EML6: variants seen among roughly 807,000 people sequenced by gnomAD.
EML6 encodes the protein EMAP like 6.
EML6 carries 154 observed loss-of-function variants against 240.1 expected under a neutral mutation model. The observed-to-expected ratio is 0.64, with a 90% CI of 0.56 to 0.73. The LOEUF is 0.73. Among genes scored for constraint, EML6 ranks in the 30% least tolerant of loss-of-function variants. EML6 has a pLI of 0.00. For synonymous variants in EML6, 1,148 were observed against 899.0 expected (o/e 1.28, Z -4.95); for missense variants, 2,964 against 2,474.6 (o/e 1.20, Z -4.20).
intron 2 of EML6, among the ~76,000 whole-genome samples, chr2:54,802,657 C>CTACTACTACTACTAG (rs1434725107): frequency 3.4e-4 from 51 of 148,762 alleles, no homozygotes; most frequent in African/African-American, 1.3e-3. Flanking sequence ...ACTACTACTA[C>CTACTACTACTACTAG]TACTACTACT....
chr2:54,810,798 C>A (rs373251142), intron 2 of EML6, among the ~76,000 whole-genome samples: 2 of 152,074 alleles, frequency 1.3e-5, no homozygotes, highest in Non-Finnish European at 2.9e-5. Flanking sequence ...CCTGCCCTCA[C>A]GGAGCATACA....
rs115428406 is a variant in EML6, at chr2:54,862,534, G to A, written c.1826-1249G>A. 4.4e-3 allele frequency among the ~76,000 whole-genome samples: 673 copies of A among 151,862 alleles called. 2 individuals carry two copies. Among genetic ancestry groups the A allele is most frequent in the Non-Finnish European group, 7.5e-3 (507 of 67,952 alleles). On this transcript the variant is annotated intron_variant, in intron 12 of 41. Transcript: ENST00000356458. ...GAGTAAAGATAGCTTAGAGACTTAG[G>A]GTGGTCCAACAACTTACGTGTTACC... is the stretch of plus-strand genomic sequence containing the variant.
chr2:54,956,872 T>G (rs1676258278), intron 32 of EML6, among the ~76,000 whole-genome samples: 1 of 152,110 alleles, frequency 6.6e-6, no homozygotes, highest in Non-Finnish European at 1.5e-5. Flanking sequence ...AAAACAAAAA[T>G]TTAAAACTCG....
At chr2:54,800,885 A>G (rs1253926647) in intron 2 of EML6, among the ~76,000 whole-genome samples, 1 of 152,128 alleles carries the variant, frequency 6.6e-6, no homozygotes, top group East Asian at 1.9e-4. Context: ...TTGATCTAAC[A>G]TGTGACGTCT....
intron 11 of EML6, among the ~76,000 whole-genome samples, chr2:54,857,096 G>T (rs1279129823): frequency 6.6e-6 from 1 of 152,154 alleles, no homozygotes; most frequent in East Asian, 1.9e-4. Flanking sequence ...TACAGAGCTG[G>T]GAAAATGAGA....
At chr2:54,904,392 C>T (rs1573111560) in intron 24 of EML6, among the ~76,000 whole-genome samples, 1 of 152,084 alleles carries the variant, frequency 6.6e-6, no homozygotes, top group African/African-American at 2.4e-5. Context: ...CCTTCAGAGA[C>T]GTTGTAGTCC....
At chr2:54,860,086 T>C (rs972912084) in intron 12 of EML6, among the ~76,000 whole-genome samples, 8 of 152,106 alleles carry the variant, frequency 5.3e-5, no homozygotes, top group Non-Finnish European at 1.2e-4. Flanking sequence ...AACATCCACA[T>C]TGGGTAGGTA....
At chr2:54,939,892 C>T (rs1675341108) in intron 28 of EML6, among the ~76,000 whole-genome samples, 2 of 152,202 alleles carry the variant, frequency 1.3e-5, no homozygotes, top group Non-Finnish European at 2.9e-5. Flanking sequence ...CTTAACTCTC[C>T]AGCCATCTCA....
chr2:54,771,389 A>G (rs1217192025), intron 2 of EML6, among the ~76,000 whole-genome samples: 1 of 152,248 alleles, frequency 6.6e-6, no homozygotes, highest in Non-Finnish European at 1.5e-5. Flanking sequence ...CGGATACATT[A>G]TCATAGGTAT....
chr2:54,744,710 G>C (rs563134272), intron 2 of EML6, among the ~76,000 whole-genome samples: 1 of 151,970 alleles, frequency 6.6e-6, no homozygotes, highest in Non-Finnish European at 1.5e-5. Context: ...GAGGGACCGA[G>C]GAGGAGGATT....
At chr2:54,851,318 C>T (rs542356587) in intron 10 of EML6, among the ~76,000 whole-genome samples, 4 of 152,210 alleles carry the variant, frequency 2.6e-5, no homozygotes, top group South Asian at 2.1e-4. Flanking sequence ...GAGGCTAAGG[C>T]GGCAGAATTG....
intron 2 of EML6, among the ~76,000 whole-genome samples, chr2:54,799,900 G>C (rs1670027042): frequency 6.6e-6 from 1 of 152,200 alleles, no homozygotes. Context: ...TATTTAAAAG[G>C]AAAGTGAATG....
chr2:54,807,764 A>G (rs895643738), intron 2 of EML6, among the ~76,000 whole-genome samples: 14 of 152,222 alleles, frequency 9.2e-5, no homozygotes, highest in African/African-American at 2.4e-4. Context: ...GTAATTGTAA[A>G]TCAATATAAT....
At chr2:54,776,537 T>C (rs1668609776) in intron 2 of EML6, among the ~76,000 whole-genome samples, 1 of 152,148 alleles carries the variant, frequency 6.6e-6, no homozygotes, top group Non-Finnish European at 1.5e-5. Flanking sequence ...CTTATTTGTG[T>C]TTTCTTTCAC....
intron 11 of EML6, among the ~76,000 whole-genome samples, chr2:54,856,963 C>T (rs1670414868): frequency 6.6e-6 from 1 of 152,148 alleles, no homozygotes; most frequent in Non-Finnish European, 1.5e-5. Flanking sequence ...GCTTAGGAAA[C>T]AGTTTCAAGG....
At chr2:54,917,310 C>G (rs1435944178) in intron 26 of EML6, among the ~76,000 whole-genome samples, 1 of 149,944 alleles carries the variant, frequency 6.7e-6, no homozygotes, top group African/African-American at 2.4e-5. Flanking sequence ...ATTGTTAAAA[C>G]GTTTTTATCT....
intron 2 of EML6, among the ~76,000 whole-genome samples, chr2:54,757,789 C>T (rs1300592025): frequency 6.6e-6 from 1 of 152,072 alleles, no homozygotes; most frequent in Non-Finnish European, 1.5e-5. Context: ...TTCTTTCTGA[C>T]TTCCCCCTTC....
rs13420645 is a variant in EML6, at chr2:54,856,093, C to T, written c.1657+2238C>T. ...AACAATCAGTTGCACAGTAATTAGACGTAAGTGTTCTGCAGTTAATGAAAA... is the reference window on the plus strand; with the variant it reads ...AACAATCAGTTGCACAGTAATTAGATGTAAGTGTTCTGCAGTTAATGAAAA... On this transcript the variant is annotated intron_variant, in intron 11 of 41. Coordinates refer to ENST00000356458, the MANE Select transcript of EML6 (RefSeq NM_001039753.4). Among the ~76,000 whole-genome samples the T allele has an allele frequency of 6.5e-3, 991 of 152,268 alleles. 15 individuals carry two copies. The highest frequency in any genetic ancestry group is 0.022 in the African/African-American group (926 of 41,540).
intron 6 of EML6, among the ~76,000 whole-genome samples, chr2:54,828,293 A>G (rs888685606): frequency 6.6e-6 from 1 of 152,230 alleles, no homozygotes; most frequent in African/African-American, 2.4e-5. Context: ...TGATAACTAC[A>G]TATCTTCTGA....
Sources: gnomAD v4.1 joint callset for allele counts (sites outside exome capture counted in the v4.1 genomes callset) on GRCh38, gnomAD v4.1.1 for gene constraint, MANE v1.5 for transcripts, NCBI Gene and HGNC (gene_info 2026-07-23, HGNC 2026-07-21) for gene names.